GRIK4: variants seen among roughly 807,000 people sequenced by gnomAD.
The protein encoded by GRIK4 is glutamate ionotropic receptor kainate type subunit 4.
A neutral mutation model predicts 104.9 loss-of-function variants in GRIK4; 40 were observed. The observed-to-expected ratio is 0.38, with a 90% CI of 0.30 to 0.50. The LOEUF (loss-of-function observed/expected upper bound fraction) is 0.50, where lower values mean the gene tolerates loss of function less well. Ranked by LOEUF, GRIK4 falls within the 20% of genes least tolerant of loss-of-function variation. The probability of loss-of-function intolerance (pLI) is 0.93; values close to 1 mark genes in which losing one functional copy is unlikely to be tolerated. For synonymous variants in GRIK4, 485 were observed against 524.9 expected (o/e 0.92, Z 1.04); for missense variants, 1,047 against 1,308.1 (o/e 0.80, Z 3.08).
chr11:120,677,032 A>G (rs1950108756), intron 3 of GRIK4, among the ~76,000 whole-genome samples: 1 of 152,172 alleles, frequency 6.6e-6, no homozygotes, highest in South Asian at 2.1e-4. Context: ...CATTTTGCAT[A>G]AGAACCAGGC....
intron 1 of GRIK4, chr11:120,576,551 A>T (rs970592144): frequency 3.3e-5 from 5 of 152,328 alleles, no homozygotes; most frequent in Non-Finnish European, 5.9e-5. Context: ...ACCTGGGCGG[A>T]TGGAGGCCAA....
At chr11:120,566,819 C>G (rs1258598037) in intron 1 of GRIK4, among the ~76,000 whole-genome samples, 10 of 151,296 alleles carry the variant, frequency 6.6e-5, no homozygotes, top group Admixed American at 5.9e-4. Context: ...TTCCCTTGCC[C>G]CAGCCTCCCG....
intron 11 of GRIK4, among the ~76,000 whole-genome samples, chr11:120,893,707 G>T (rs1035999722): frequency 1.3e-5 from 2 of 152,234 alleles, no homozygotes; most frequent in Non-Finnish European, 2.9e-5. Flanking sequence ...TGTGCTTGGT[G>T]ACATCATGTT....
intron 3 of GRIK4, among the ~76,000 whole-genome samples, chr11:120,753,340 T>TGTGTGTGC (rs377163804): frequency 0.01 from 1,506 of 147,702 alleles, 27 homozygotes; most frequent in African/African-American, 0.033. Flanking sequence ...TGTGTGTGTG[T>TGTGTGTGC]GTGCAGGGTG....
At chr11:120,512,444 C>T (rs1372535471) in intron 1 of GRIK4, among the ~76,000 whole-genome samples, 1 of 152,000 alleles carries the variant, frequency 6.6e-6, no homozygotes, top group Non-Finnish European at 1.5e-5. Flanking sequence ...TCGACTGCCC[C>T]CTGCCCCTGC....
intron 3 of GRIK4, among the ~76,000 whole-genome samples, chr11:120,685,776 A>G (rs1162538709): frequency 6.6e-6 from 1 of 152,070 alleles, no homozygotes; most frequent in Non-Finnish European, 1.5e-5. Flanking sequence ...CCATTAGGCT[A>G]TGGTCGTCTT....
intron 3 of GRIK4, among the ~76,000 whole-genome samples, chr11:120,739,137 C>T (rs902160232): frequency 6.6e-6 from 1 of 152,198 alleles, no homozygotes; most frequent in Non-Finnish European, 1.5e-5. Flanking sequence ...CTCAATCCCC[C>T]CTCCTGTAGC....
chr11:120,857,499 C>T (rs2135618711), intron 8 of GRIK4, among the ~76,000 whole-genome samples: 1 of 31,162 alleles, frequency 3.2e-5, no homozygotes, highest in Non-Finnish European at 5.9e-5. Flanking sequence ...TGTATGCACA[C>T]ATGCACACAC....
intron 4 of GRIK4, 51 bp from the exon 5 acceptor site, chr11:120,815,327 C>G: frequency 2.7e-6 from 3 of 1,106,152 alleles, no homozygotes; most frequent in Non-Finnish European, 4.0e-6. Context: ...TGGCGCAAGC[C>G]CGACCTGATG....
chr11:120,746,988 C>G (rs372100902), intron 3 of GRIK4, among the ~76,000 whole-genome samples: 1 of 152,154 alleles, frequency 6.6e-6, no homozygotes, highest in Non-Finnish European at 1.5e-5. Flanking sequence ...GAGCCAGGGA[C>G]GATGGGCTTG....
intron 1 of GRIK4, among the ~76,000 whole-genome samples, chr11:120,578,811 C>T (rs1006009616): frequency 2.6e-5 from 4 of 152,206 alleles, no homozygotes; most frequent in East Asian, 1.9e-4. Flanking sequence ...TATGTCGTCC[C>T]GCTTCCTCAC....
intron 19 of GRIK4, among the ~76,000 whole-genome samples, chr11:120,971,421 GA>G (rs1944473612): frequency 6.6e-6 from 1 of 152,210 alleles, no homozygotes. Context: ...GACTTTGGAG[GA>G]GGAAAAGTCT....
intron 13 of GRIK4, among the ~76,000 whole-genome samples, chr11:120,934,556 C>G (rs375699209): frequency 1.3e-5 from 2 of 152,248 alleles, no homozygotes; most frequent in East Asian, 1.9e-4. Context: ...CTGCACGGCC[C>G]CTATTAATCT....
intron 11 of GRIK4, among the ~76,000 whole-genome samples, chr11:120,879,494 G>A (rs557523362): frequency 5.9e-5 from 9 of 152,284 alleles, no homozygotes; most frequent in Non-Finnish European, 1.0e-4. Flanking sequence ...ATTCTCTGCC[G>A]GTGGCTGATT....
intron 3 of GRIK4, among the ~76,000 whole-genome samples, chr11:120,755,028 C>T (rs750280846): frequency 2.4e-4 from 37 of 152,196 alleles, no homozygotes; most frequent in Non-Finnish European, 4.6e-4. Context: ...ATCCGAACTG[C>T]AAACGATGTC....
chr11:120,690,160 G>A (rs960295400), intron 3 of GRIK4, among the ~76,000 whole-genome samples: 1 of 152,108 alleles, frequency 6.6e-6, no homozygotes, highest in African/African-American at 2.4e-5. Context: ...TGCTCCCCTC[G>A]TCACTCCAGA....
chr11:120,648,332 T>C (rs181541658), intron 1 of GRIK4, among the ~76,000 whole-genome samples: 44 of 152,320 alleles, frequency 2.9e-4, no homozygotes, highest in African/African-American at 6.3e-4. Context: ...CAGGGCAGCC[T>C]CTGGATGGGG....
chr11:120,594,739 T>G (rs1948778894), intron 1 of GRIK4, among the ~76,000 whole-genome samples: 1 of 152,178 alleles, frequency 6.6e-6, no homozygotes, highest in Admixed American at 6.5e-5. Flanking sequence ...CCTCCTGTGA[T>G]TCACTGCAGT....
intron 3 of GRIK4, among the ~76,000 whole-genome samples, chr11:120,700,766 A>G (rs1385092490): frequency 6.6e-6 from 1 of 151,956 alleles, no homozygotes; most frequent in African/African-American, 2.4e-5. Flanking sequence ...CAATTTTTGT[A>G]TTTTTAGTAG....
Sources: allele counts gnomAD v4.1 joint callset (sites outside exome capture counted in the v4.1 genomes callset), GRCh38; gene constraint gnomAD v4.1.1; transcripts MANE v1.5; gene names NCBI Gene and HGNC (gene_info 2026-07-23, HGNC 2026-07-21).